The following SPC24 variants were observed in gnomAD, a reference collection of about 807,000 sequenced individuals.
SPC24 encodes the protein SPC24 component of NDC80 kinetochore complex.
A neutral mutation model predicts 27.6 loss-of-function variants in SPC24; 31 were observed. The ratio of observed to expected loss-of-function variants is 1.12; its 90% CI spans 0.84 to 1.52. The LOEUF (loss-of-function observed/expected upper bound fraction) is 1.52. Among genes scored for constraint, SPC24 ranks in the 40% most tolerant of loss-of-function variants. The pLI, the probability that SPC24 is intolerant of heterozygous loss-of-function variation, is 0.00. For missense variants in SPC24, 284 were observed against 252.5 expected, an observed-to-expected ratio of 1.12 and a Z score of -0.84; for synonymous variants, 105 against 105.8, an observed-to-expected ratio of 0.99 and a Z score of 0.05.
rs1226678872 is a variant in SPC24, at chr19:11,148,174, T to TTA, written c.306-58_306-57insTA. ...GAGAGAGGGCTGCCCCTGCGCTAAC[T>TTA]GCAGCTGGGAGGCCCAGGGTCTTGG... On this transcript the variant is annotated intron_variant, in intron 2 of 4. Transcript: ENST00000592540. The TTA allele has an allele frequency of 3.3e-6, 4 of 1,214,554 alleles. No homozygotes were observed. The African/African-American group carries it at 6.0e-5, about 18-fold the overall frequency. 75.2% of individuals were successfully genotyped at this position (1,214,554 alleles called of 1,614,324 possible).
At chr19:11,151,685 C>G (rs2077873103) in intron 1 of SPC24, among the ~76,000 whole-genome samples, 1 of 152,006 alleles carries the variant, frequency 6.6e-6, no homozygotes. Flanking sequence ...TCTCAGCTCA[C>G]TGCAACCTCC....
At chr19:11,148,572 C>G (rs2077847265) in intron 2 of SPC24, among the ~76,000 whole-genome samples, 1 of 151,722 alleles carries the variant, frequency 6.6e-6, no homozygotes, top group Non-Finnish European at 1.5e-5. Flanking sequence ...CCTCAATCTC[C>G]CAGGACCAAG....
intron 4 of SPC24, 40 bp from the exon 5 acceptor site, chr19:11,147,329 C>G (rs1490559068): frequency 1.5e-6 from 2 of 1,358,446 alleles, no homozygotes; most frequent in Non-Finnish European, 2.0e-6. Flanking sequence ...ACACACAGCC[C>G]CTCACACAAC....
chr19:11,150,932 G>A (rs1256038871), intron 1 of SPC24, among the ~76,000 whole-genome samples: 1 of 152,150 alleles, frequency 6.6e-6, no homozygotes, highest in African/African-American at 2.4e-5. Context: ...GGGAGGCCGA[G>A]GCAGGTGGAT....
Position 11,153,596 on chromosome 19 carries a change from C to T in SPC24, c.160+2021G>A, listed in dbSNP as rs183967143. ...CCAACATGGTGAAACCCCATCTTTA[C>T]TAAGAATACAAAAATTAGCTGGGCA... On this transcript the variant is annotated intron_variant, in intron 1 of 4. Coordinates refer to ENST00000592540, the MANE Select transcript of SPC24 (RefSeq NM_182513.4). Among the ~76,000 whole-genome samples the T allele has an allele frequency of 3.0e-4, 46 of 151,030 alleles. 2 individuals carry two copies. Among genetic ancestry groups the T allele is most frequent in the Non-Finnish European group, 5.6e-4 (38 of 67,848 alleles).
In SPC24 at chr19:11,146,728, A is replaced by G. The variant is rs1043904606; in HGVS notation, c.*455T>C. ...GCTTGCAGTGAGCTGAGATCGCACC[A>G]CTGCACTCCAGCCTGGGCGACAGAG... On this transcript the variant is annotated 3_prime_UTR_variant, in exon 5 of 5. Transcript: ENST00000592540. The G allele has an allele frequency of 1.3e-5, 2 of 148,582 alleles. No homozygotes were observed. Among genetic ancestry groups the G allele is most frequent in the Non-Finnish European group, 2.9e-5 (2 of 67,944 alleles). The allele number at this position is 148,582 out of a possible 1,614,324, so 9.2% of individuals were successfully genotyped here.
intron 2 of SPC24, 99 bp downstream of exon 2, chr19:11,148,995 C>T (rs761671972): frequency 6.5e-6 from 8 of 1,231,554 alleles, no homozygotes; most frequent in Non-Finnish European, 8.6e-6. Context: ...GATCCTCCCA[C>T]CTGGGCTTCC....
At chr19:11,153,884 G>A (rs894789438) in intron 1 of SPC24, among the ~76,000 whole-genome samples, 2 of 149,020 alleles carry the variant, frequency 1.3e-5, no homozygotes, top group African/African-American at 4.9e-5. Context: ...TGGCTAACAC[G>A]GTGAAACCCC....
rs1297206805 is a variant in SPC24 at position 11,148,119 on chromosome 19, T to C, written c.306-2A>G. 3.7e-6 allele frequency: 6 copies of C among 1,611,296 alleles called. No homozygotes were observed. Among genetic ancestry groups the C allele is most frequent in the Non-Finnish European group, 5.1e-6 (6 of 1,177,874 alleles). ...TCTTCCAGCTCTCTGGTGAGCTGAG[T>C]AGGGCAGGTCGTTAAGGACCCCGGC... On this transcript the variant is annotated splice_acceptor_variant, in intron 2 of 4. Coordinates refer to ENST00000592540, the MANE Select transcript of SPC24 (RefSeq NM_182513.4). LOFTEE classifies it high-confidence loss of function.
chr19:11,151,197 G>A (rs946077084), intron 1 of SPC24, among the ~76,000 whole-genome samples: 1 of 150,590 alleles, frequency 6.6e-6, no homozygotes, highest in Non-Finnish European at 1.5e-5. Context: ...CTTCCCAAAG[G>A]GCCCATGTTT....
At position 11,155,701 on chromosome 19, in the gene SPC24, G is replaced by T; in HGVS notation, c.76C>A (p.Gln26Lys). The T allele has an allele frequency of 6.4e-7, 1 of 1,570,668 alleles. No homozygotes were observed. The change falls in exon 1 of 5, where the codon CAG becomes AAG. Residue 26 changes from glutamine (Q) to lysine (K), a missense_variant. Physicochemically the swap from Gln to Lys is moderately conservative, Grantham distance 53 (BLOSUM62 1). Coordinates refer to ENST00000592540, the MANE Select transcript of SPC24 (RefSeq NM_182513.4). ...TGGCGCCCCAGCAGCCGTCGCTGCTGCGCCTCCGCGCGGTTGGCGCCCAGC... is the reference window on the plus strand; with the variant it reads ...TGGCGCCCCAGCAGCCGTCGCTGCTTCGCCTCCGCGCGGTTGGCGCCCAGC... ...SLLGANRAEAQQRRLLGRHEQ... is the reference protein window; with the variant it reads ...SLLGANRAEAKQRRLLGRHEQ...
At chr19:11,148,148 C>T (rs757779098) in intron 2 of SPC24, 31 bp from the exon 3 acceptor site, 4 of 1,503,034 alleles carry the variant, frequency 2.7e-6, no homozygotes, top group African/African-American at 1.4e-5. Flanking sequence ...CCCCGGCTTT[C>T]GAGAGAGGGC....
At chr19:11,154,007 C>A (rs7253930) in intron 1 of SPC24, among the ~76,000 whole-genome samples, 1 of 151,620 alleles carries the variant, frequency 6.6e-6, no homozygotes, top group Non-Finnish European at 1.5e-5. Flanking sequence ...CCAGGAGACG[C>A]AGCTTGCAGT....
rs878874659 is a variant in SPC24 at position 11,148,265 on chromosome 19, T to C, written c.306-148A>G. The C allele has an allele frequency of 1.3e-5, 8 of 620,458 alleles. No individual in the cohort carries two copies. The South Asian group carries it at 1.6e-4, about 12-fold the overall frequency. 38.4% of individuals were successfully genotyped at this position (620,458 alleles called of 1,614,324 possible). The stretch of plus-strand genomic sequence containing the variant: ...CTTTGTCACCCAGGCTGGAGTGCAG[T>C]GGCACGACCTCAGCTCACTGCAACC... On this transcript the variant is annotated intron_variant, in intron 2 of 4. Transcript: ENST00000592540.
At chr19:11,147,981 C>T (rs1325392032) in intron 3 of SPC24, 32 bp downstream of exon 3, 2 of 1,606,578 alleles carry the variant, frequency 1.2e-6, no homozygotes, top group South Asian at 1.1e-5. Context: ...CACAAGGAGG[C>T]ACAGGCAGGC....
At chr19:11,149,471 C>T (rs2077853874) in intron 1 of SPC24, 1 of 325,352 alleles carries the variant, frequency 3.1e-6, no homozygotes, top group African/African-American at 2.1e-5. Flanking sequence ...AATAGTTGGC[C>T]AGGCATGGTG....
At chr19:11,147,369 T>C in intron 4 of SPC24, 80 bp from the exon 5 acceptor site, 1 of 928,950 alleles carries the variant, frequency 1.1e-6, no homozygotes, top group South Asian at 1.7e-5. Context: ...TGCCTTTACT[T>C]TTTTTTTTTG....
chr19:11,151,673 G>A (rs575527202), intron 1 of SPC24, among the ~76,000 whole-genome samples: 14 of 152,080 alleles, frequency 9.2e-5, no homozygotes, highest in African/African-American at 2.2e-4. Flanking sequence ...GCAATGGCAC[G>A]GTCTCAGCTC....
chr19:11,151,162 CAAAA>C (rs397859905), intron 1 of SPC24, among the ~76,000 whole-genome samples: 3 of 88,800 alleles, frequency 3.4e-5, no homozygotes, highest in African/African-American at 4.5e-5. Context: ...GACTCCGTCT[CAAAA>C]AAAAAAAAAA....
Sources: gnomAD v4.1 joint callset for allele counts (sites outside exome capture counted in the v4.1 genomes callset) on GRCh38, gnomAD v4.1.1 for gene constraint, MANE v1.5 for transcripts, NCBI Gene and HGNC (gene_info 2026-07-23, HGNC 2026-07-21) for gene names.